The following ZNF341 variants were observed in gnomAD, a reference collection of about 807,000 sequenced individuals.
ZNF341 encodes zinc finger protein 341.
ZNF341 carries 52 observed loss-of-function variants against 87.7 expected under a neutral mutation model. The ratio of observed to expected loss-of-function variants is 0.59; its 90% confidence interval spans 0.47 to 0.75. The LOEUF (loss-of-function observed/expected upper bound fraction) is 0.75. ZNF341 is among the 30% of genes least tolerant of loss of function. The pLI is 0.00. For synonymous variants in ZNF341, 459 were observed against 472.7 expected (o/e 0.97, Z 0.38); for missense variants, 977 against 1,145.9 (o/e 0.85, Z 2.13).
At chr20:33,747,953 C>T (rs1311020610) in intron 3 of ZNF341, among the ~76,000 whole-genome samples, 2 of 151,968 alleles carry the variant, frequency 1.3e-5, no homozygotes, top group African/African-American at 2.4e-5. Flanking sequence ...CTTGGCCTCC[C>T]AAAGTGCTGG....
At chr20:33,783,974 C>T in intron 12 of ZNF341, 110 bp downstream of exon 12, 3 of 1,099,456 alleles carry the variant, frequency 2.7e-6, no homozygotes, top group Non-Finnish European at 3.9e-6. Context: ...TCCCTGTCTC[C>T]CTCAGCCCCT....
Position 33,791,065 on chromosome 20 carries a change from C to T in ZNF341, c.2113C>T (p.His705Tyr), listed in dbSNP as rs764465178. The T allele has an allele frequency of 7.4e-6, 12 of 1,613,346 alleles. No individual in the cohort carries two copies. The highest frequency in any genetic ancestry group is 4.5e-5 in the East Asian group (2 of 44,900). Residue 705 changes from histidine to tyrosine, a missense_variant, in exon 15 of 15, where the codon CAC becomes TAC. Transcript: ENST00000375200. ...CCACCTCGCCGAGCATCAGCGCGCC[C>T]ACACGGGCAACTACAAGTTCCGCTG... Reference protein sequence around the residue: ...RAHLAEHQRAHTGNYKFRCAG... With the variant: ...RAHLAEHQRAYTGNYKFRCAG...
chr20:33,764,543 G>GTGTATATATATATATATATATATATA (rs1332743148), intron 8 of ZNF341, among the ~76,000 whole-genome samples: 3 of 69,338 alleles, frequency 4.3e-5, no homozygotes, highest in African/African-American at 6.8e-5. Flanking sequence ...GTGTGTATGT[G>GTGTATATATATATATATATATATATA]TATATATATA....
At chr20:33,769,180 T>C (rs921394917) in intron 9 of ZNF341, among the ~76,000 whole-genome samples, 1 of 152,132 alleles carries the variant, frequency 6.6e-6, no homozygotes, top group African/African-American at 2.4e-5. Context: ...CAATGGAAAG[T>C]AGTCAGAAGT....
At chr20:33,766,470 C>T (rs1194934198) in intron 8 of ZNF341, among the ~76,000 whole-genome samples, 1 of 152,088 alleles carries the variant, frequency 6.6e-6, no homozygotes, top group African/African-American at 2.4e-5. Context: ...TCTGGGATTA[C>T]AGGTGTGAGC....
chr20:33,732,189 A>C lies in ZNF341; in HGVS notation c.31+137A>C. Reference sequence around the variant, plus strand: ...GGGGCTGGAACAGCCGCGGGGCGGGAGGGGCGCGGGCGGGAACAGCGCGGG... The same window carrying C: ...GGGGCTGGAACAGCCGCGGGGCGGGCGGGGCGCGGGCGGGAACAGCGCGGG... On this transcript the variant is annotated intron_variant, in intron 1 of 14. Transcript: ENST00000375200. This position sits in a 1 kb window ranked among gnomAD's most constrained non-coding sequence, Gnocchi z 4.5. 2 of 670,512 alleles carry C rather than the reference A, an allele frequency of 3.0e-6. No homozygotes were observed. The highest frequency in any genetic ancestry group is 1.3e-4 in the South Asian group (2 of 15,676). 41.5% of individuals were successfully genotyped at this position (670,512 alleles called of 1,614,324 possible).
At chr20:33,734,975 G>C (rs958534081) in intron 1 of ZNF341, among the ~76,000 whole-genome samples, 5 of 151,544 alleles carry the variant, frequency 3.3e-5, no homozygotes, top group Non-Finnish European at 7.4e-5. Flanking sequence ...CAAAGTGCTG[G>C]GATTACAGGC....
intron 7 of ZNF341, among the ~76,000 whole-genome samples, chr20:33,761,209 C>T (rs1204378494): frequency 6.6e-6 from 1 of 152,020 alleles, no homozygotes; most frequent in Admixed American, 6.6e-5. Context: ...AACTGTGGTA[C>T]AAGTGCTGTG....
chr20:33,769,652 T>C (rs940231341), intron 9 of ZNF341, among the ~76,000 whole-genome samples: 3 of 152,218 alleles, frequency 2.0e-5, no homozygotes, highest in African/African-American at 7.2e-5. Flanking sequence ...GGCTCATGCC[T>C]GTAATCCCAT....
intron 1 of ZNF341, among the ~76,000 whole-genome samples, chr20:33,736,690 A>G (rs2018693040): frequency 6.6e-6 from 1 of 152,150 alleles, no homozygotes; most frequent in Non-Finnish European, 1.5e-5. Context: ...GGGTTTCACC[A>G]TGTTGCCCAG....
intron 4 of ZNF341, chr20:33,752,652 C>CTTT (rs956277736): frequency 9.4e-4 from 165 of 175,346 alleles, no homozygotes; most frequent in Middle Eastern, 2.2e-3. Flanking sequence ...ATTTTCTTTT[C>CTTT]TTTTTTTTTT....
chr20:33,758,700 T>C lies in ZNF341; in HGVS notation c.938-16T>C. On this transcript the variant is annotated splice_polypyrimidine_tract_variant and intron_variant, in intron 6 of 14. Transcript: ENST00000375200. ...ACCCCCAGCCTCATTGTCCCCTCCT[T>C]CCACTTGTCTTTCAGCTGCAGGGAA... 6.2e-7 allele frequency: 1 copy of C among 1,610,322 alleles called. No homozygotes were observed. Among genetic ancestry groups the C allele is most frequent in the Non-Finnish European group, 8.5e-7 (1 of 1,177,660 alleles).
chr20:33,767,384 C>CTT lies in ZNF341; in HGVS notation c.1413+355_1413+356dup, dbSNP rs11480143. Among the ~76,000 whole-genome samples the CTT allele has an allele frequency of 7.8e-3, 1,121 of 144,158 alleles. 15 individuals carry two copies. The highest frequency in any genetic ancestry group is 0.023 in the African/African-American group (888 of 39,260). 94.6% of individuals were successfully genotyped at this position (144,158 alleles called of 152,430 possible). A position where few individuals can be genotyped will look rare whatever the true frequency, so the allele number is the denominator to read the frequency against. On this transcript the variant is annotated intron_variant, in intron 9 of 14. Coordinates refer to ENST00000375200, the MANE Select transcript of ZNF341 (RefSeq NM_001282933.2). ...TCCTGTCCTGGGATGGTGATCACTT[C>CTT]TTTTTTTTTTTTTGAGACGGTTTTA...
At chr20:33,790,936 G>A in intron 14 of ZNF341, 52 bp from the exon 15 acceptor site, 1 of 1,562,416 alleles carries the variant, frequency 6.4e-7, no homozygotes. Flanking sequence ...GCAGGGCACT[G>A]TTGCGGGGTG....
In ZNF341 at chr20:33,762,114, T is replaced by C. The variant is rs2019308454; in HGVS notation, c.1222+59T>C. On this transcript the variant is annotated intron_variant, in intron 8 of 14. Coordinates refer to ENST00000375200, the MANE Select transcript of ZNF341 (RefSeq NM_001282933.2). ...ACCTCTCTTCTGCCGCTTCACAGGTTTTATTGCTAGCTGTGTGACCTTGGG... is the reference window on the plus strand; with the variant it reads ...ACCTCTCTTCTGCCGCTTCACAGGTCTTATTGCTAGCTGTGTGACCTTGGG... The C allele has an allele frequency of 2.0e-6, 3 of 1,464,220 alleles. No individual in the cohort carries two copies. The East Asian group carries it at 7.1e-5, about 35-fold the overall frequency. The allele number at this position is 1,464,220 out of a possible 1,614,324, so 90.7% of individuals were successfully genotyped here.
chr20:33,763,173 C>T (rs1037152297), intron 8 of ZNF341, among the ~76,000 whole-genome samples: 2 of 152,104 alleles, frequency 1.3e-5, no homozygotes, highest in African/African-American at 4.8e-5. Context: ...GTTTAAGTTA[C>T]ATTCATTTAA....
intron 1 of ZNF341, among the ~76,000 whole-genome samples, chr20:33,735,986 AGTT>A (rs1230792535): frequency 2.0e-5 from 3 of 151,870 alleles, no homozygotes; most frequent in Non-Finnish European, 2.9e-5. Flanking sequence ...GATTCATCCA[AGTT>A]GTTGTGTATA....
rs75504378 is a variant in ZNF341, at chr20:33,781,207, T to C, written c.1623-84T>C. The C allele has an allele frequency of 1.2e-3, 1,125 of 960,838 alleles. 23 individuals are homozygous for C. In the East Asian group the frequency reaches 0.025, roughly 22 times the overall value. 59.5% of individuals were successfully genotyped at this position (960,838 alleles called of 1,614,324 possible). ...GAATTAACTGTAGGATGTTGCCTCC[T>C]AATGTTGGCCCTGGGGTGGCCGGGG... On this transcript the variant is annotated intron_variant, in intron 10 of 14. Transcript: ENST00000375200.
At chr20:33,766,764 A>G in intron 8 of ZNF341, 87 bp from the exon 9 acceptor site, 1 of 1,420,960 alleles carries the variant, frequency 7.0e-7, no homozygotes, top group East Asian at 2.3e-5. Context: ...GTGCCGGGTG[A>G]ACACAGAGGA....
Sources: allele counts gnomAD v4.1 joint callset (sites outside exome capture counted in the v4.1 genomes callset), GRCh38; gene constraint gnomAD v4.1.1; non-coding constraint Gnocchi (gnomAD v3.1); transcripts MANE v1.5; gene names NCBI Gene and HGNC (gene_info 2026-07-23, HGNC 2026-07-21).